ARMC9: variants seen among roughly 807,000 people sequenced by gnomAD.
ARMC9 encodes the protein armadillo repeat containing 9.
ARMC9 carries 94 observed loss-of-function variants against 107.0 expected under a neutral mutation model. That is an observed-to-expected ratio of 0.88 (90% confidence interval 0.74 to 1.04). The LOEUF (loss-of-function observed/expected upper bound fraction) is 1.04. ARMC9 is among the 50% of genes least tolerant of loss of function. The pLI, the probability that ARMC9 is intolerant of heterozygous loss-of-function variation, is 0.00. For synonymous variants in ARMC9, 380 were observed against 396.9 expected (o/e 0.96, Z 0.51); for missense variants, 942 against 1,030.1 (o/e 0.91, Z 1.17).
chr2:231,226,957 A>G (rs1011542623), intron 7 of ARMC9, among the ~76,000 whole-genome samples, 159 bp downstream of exon 7: 3 of 152,136 alleles, frequency 2.0e-5, no homozygotes, highest in African/African-American at 4.8e-5. Context: ...CAGTTCCTTG[A>G]GGCCCATTTT....
intron 19 of ARMC9, among the ~76,000 whole-genome samples, chr2:231,307,257 C>T: frequency 6.6e-6 from 1 of 152,192 alleles, no homozygotes. Context: ...GTGGCATAAG[C>T]ATGCTGAGGA....
At chr2:231,223,651 G>A (rs2034363148) in intron 6 of ARMC9, among the ~76,000 whole-genome samples, 1 of 152,110 alleles carries the variant, frequency 6.6e-6, no homozygotes, top group South Asian at 2.1e-4. Flanking sequence ...TAACTCCAAA[G>A]CATTTGACTT....
intron 20 of ARMC9, among the ~76,000 whole-genome samples, chr2:231,341,688 T>G (rs2125578615): frequency 6.8e-6 from 1 of 146,864 alleles, no homozygotes; most frequent in Middle Eastern, 3.5e-3. Context: ...AGTATACCTG[T>G]ATTTTTTTAC....
chr2:231,289,530 T>A (rs1486661473), intron 17 of ARMC9, among the ~76,000 whole-genome samples: 2 of 152,176 alleles, frequency 1.3e-5, no homozygotes, highest in Admixed American at 6.5e-5. Flanking sequence ...TTGATAACTT[T>A]CTCCTTCCTG....
rs762171690 is a variant in ARMC9, at chr2:231,215,000, C to A, written c.347C>A (p.Pro116Gln). ...IYLLKYSVGRPDKEELDEKIS... is the reference protein window; with the variant it reads ...IYLLKYSVGRQDKEELDEKIS... ...CTTTTGAAGTACTCTGTGGGGAGAC[C>A]GGTGGGTTTACCTGGTGATGCGGGT... Residue 116 changes from proline (P) to glutamine (Q), a missense_variant and splice_region_variant, in exon 4 of 25, where the codon CCG (proline) becomes CAG (glutamine). Transcript: ENST00000611582. 2.5e-6 allele frequency: 4 copies of A among 1,613,668 alleles called. No homozygotes were observed. In the Admixed American group the frequency reaches 5.0e-5, roughly 20 times the overall value.
rs1388899235 is a variant in ARMC9, at chr2:231,262,352, A to C, written c.1073A>C (p.Gln358Pro). The C allele has an allele frequency of 6.2e-7, 1 of 1,614,200 alleles. No individual in the cohort carries two copies. Among genetic ancestry groups the C allele is most frequent in the Non-Finnish European group, 8.5e-7 (1 of 1,180,034 alleles). Reference protein sequence around the residue: ...HPGEQRETVLQAYISNDLLDC... With the variant: ...HPGEQRETVLPAYISNDLLDC... Reference sequence around the variant, plus strand: ...GGAGAGCAGAGGGAGACCGTTCTGCAAGCCTACATCAGCAATGACCTCTTG... The same window carrying C: ...GGAGAGCAGAGGGAGACCGTTCTGCCAGCCTACATCAGCAATGACCTCTTG... The change falls in exon 12 of 25, where the codon CAA (glutamine) becomes CCA (proline). Residue 358 changes from glutamine to proline, a missense_variant. Gln to Pro is a moderately conservative substitution (Grantham distance 76, BLOSUM62 -1). Transcript: ENST00000611582.
At chr2:231,210,994 A>T (rs2032764100) in intron 3 of ARMC9, among the ~76,000 whole-genome samples, 1 of 152,186 alleles carries the variant, frequency 6.6e-6, no homozygotes. Flanking sequence ...TATAAATGGA[A>T]TTATGCAGTA....
intron 2 of ARMC9, among the ~76,000 whole-genome samples, chr2:231,206,881 G>A (rs896516394): frequency 6.6e-6 from 1 of 152,234 alleles, no homozygotes; most frequent in African/African-American, 2.4e-5. Flanking sequence ...GCTTAACTGT[G>A]TGAGTAACCA....
intron 19 of ARMC9, 112 bp from the exon 20 acceptor site, chr2:231,331,681 T>A: frequency 1.2e-6 from 1 of 857,422 alleles, no homozygotes; most frequent in Non-Finnish European, 1.8e-6. Flanking sequence ...TGCAAGTTGC[T>A]GTGATTGGCC....
chr2:231,364,441 T>A (rs185304136), intron 23 of ARMC9, among the ~76,000 whole-genome samples: 1 of 152,210 alleles, frequency 6.6e-6, no homozygotes, highest in Non-Finnish European at 1.5e-5. Context: ...TATGTCTACA[T>A]GTATGCCTTT....
intron 22 of ARMC9, among the ~76,000 whole-genome samples, chr2:231,356,980 TTACCAAAATGACCACTG>T (rs1441562110): frequency 2.6e-5 from 4 of 152,122 alleles, no homozygotes; most frequent in Non-Finnish European, 5.9e-5. Context: ...CATCCTTGCT[TTACCAAAATGACCACTG>T]AGAGGCCCTT....
intron 12 of ARMC9, among the ~76,000 whole-genome samples, chr2:231,265,419 A>C (rs2038768721): frequency 6.6e-6 from 1 of 152,218 alleles, no homozygotes; most frequent in African/African-American, 2.4e-5. Context: ...TCAGCCATAA[A>C]AAGGAATGAA....
At chr2:231,218,937 A>G (rs2033821807) in intron 5 of ARMC9, among the ~76,000 whole-genome samples, 1 of 152,038 alleles carries the variant, frequency 6.6e-6, no homozygotes, top group African/African-American at 2.4e-5. Context: ...TTTTTAGTAG[A>G]GACGGGGTTT....
intron 19 of ARMC9, among the ~76,000 whole-genome samples, chr2:231,314,217 T>C (rs1373507309): frequency 6.6e-6 from 1 of 151,962 alleles, no homozygotes; most frequent in Non-Finnish European, 1.5e-5. Context: ...GTAGCTGGGA[T>C]TACAGGCATG....
chr2:231,369,992 C>T lies in ARMC9; in HGVS notation c.2301C>T (p.Pro767=). The T allele has an allele frequency of 6.5e-7, 1 of 1,532,468 alleles. No homozygotes were observed. The highest frequency in any genetic ancestry group is 8.7e-7 in the Non-Finnish European group (1 of 1,144,620). 94.9% of individuals were successfully genotyped at this position (1,532,468 alleles called of 1,614,324 possible). ...CCTTCACCTGCAAGCCCCGGGCCCC[C>T]TGCACTCCAGAGATGCTGGACTGGA... The part of the protein sequence containing the change: ...ASAFTCKPRA[P]CTPEMLDWNP... Residue 767 remains proline (P), a synonymous_variant, in exon 24 of 25, where the codon CCC becomes CCT. Coordinates refer to ENST00000611582, the MANE Select transcript of ARMC9 (RefSeq NM_001352754.2).
At chr2:231,223,934 A>T (rs563117353) in intron 6 of ARMC9, among the ~76,000 whole-genome samples, 4 of 152,054 alleles carry the variant, frequency 2.6e-5, no homozygotes, top group African/African-American at 9.7e-5. Context: ...AACTTTTCCA[A>T]CTTGACTTAT....
chr2:231,247,974 A>G (rs1367698278), intron 9 of ARMC9, among the ~76,000 whole-genome samples: 1 of 152,238 alleles, frequency 6.6e-6, no homozygotes. Flanking sequence ...CCAGTGAGTT[A>G]GAGCTGTGAC....
At chr2:231,228,345 G>A (rs1256255177) in intron 7 of ARMC9, among the ~76,000 whole-genome samples, 1 of 152,216 alleles carries the variant, frequency 6.6e-6, no homozygotes, top group East Asian at 1.9e-4. Flanking sequence ...CTCCCTCAGC[G>A]TGTCTCTCAG....
intron 21 of ARMC9, among the ~76,000 whole-genome samples, chr2:231,353,869 G>T (rs1342360975): frequency 2.0e-5 from 3 of 151,944 alleles, no homozygotes; most frequent in Admixed American, 6.6e-5. Flanking sequence ...AGGACACCCT[G>T]CCCCCTCCAC....
Sources: gnomAD v4.1 joint callset for allele counts (sites outside exome capture counted in the v4.1 genomes callset) on GRCh38, gnomAD v4.1.1 for gene constraint, MANE v1.5 for transcripts, NCBI Gene and HGNC (gene_info 2026-07-23, HGNC 2026-07-21) for gene names.